AFF1: variants seen among roughly 807,000 people sequenced by gnomAD.
AFF1 encodes ALF transcription elongation factor 1.
AFF1 carries 48 observed loss-of-function variants against 121.7 expected under a neutral mutation model. The ratio of observed to expected loss-of-function variants is 0.39; its 90% CI spans 0.31 to 0.50. The LOEUF (loss-of-function observed/expected upper bound fraction) is 0.50. Ranked by LOEUF, AFF1 falls within the 20% of genes least tolerant of loss-of-function variation. The probability of loss-of-function intolerance (pLI) is 0.76; values close to 1 mark genes in which losing one functional copy is unlikely to be tolerated. For missense variants in AFF1, 1,523 were observed against 1,511.7 expected, an observed-to-expected ratio of 1.01 and a Z score of -0.12; for synonymous variants, 613 against 563.0, an observed-to-expected ratio of 1.09 and a Z score of -1.26.
intron 4 of AFF1, among the ~76,000 whole-genome samples, chr4:87,061,728 A>T (rs768733596): frequency 7.2e-5 from 11 of 152,172 alleles, no homozygotes; most frequent in Non-Finnish European, 1.3e-4. Context: ...TCTCTCCGTC[A>T]ATTCAAGCAT....
intron 2 of AFF1, among the ~76,000 whole-genome samples, chr4:86,982,199 A>G (rs1326624831): frequency 7.9e-5 from 12 of 152,180 alleles, no homozygotes; most frequent in African/African-American, 2.9e-4. Flanking sequence ...TGCCTCACAA[A>G]CACTTTGTAT....
Position 87,050,634 on chromosome 4 carries a change from A to G in AFF1, c.1059+3040A>G, listed in dbSNP as rs1731170451. Among the ~76,000 whole-genome samples the G allele has an allele frequency of 1.3e-5, 2 of 152,196 alleles. 1 individual carries two copies. The highest frequency in any genetic ancestry group is 4.1e-4 in the South Asian group (2 of 4,828). On this transcript the variant is annotated intron_variant, in intron 4 of 20. Coordinates refer to ENST00000395146, the MANE Select transcript of AFF1 (RefSeq NM_001166693.3). ...TCTTCCAAAGATCCTAAGGGAAAAA[A>G]TTATCAAAAGGTCGGTTTCCGACTA...
chr4:86,998,012 C>T (rs1165369254), intron 2 of AFF1, among the ~76,000 whole-genome samples: 4 of 143,318 alleles, frequency 2.8e-5, no homozygotes, highest in African/African-American at 7.8e-5. Flanking sequence ...GCAGGAGAAT[C>T]GCTTGAACCC....
intron 2 of AFF1, among the ~76,000 whole-genome samples, chr4:86,979,771 G>A (rs1723586883): frequency 1.3e-5 from 2 of 152,204 alleles, no homozygotes; most frequent in Non-Finnish European, 2.9e-5. Context: ...GTTGTAGGGG[G>A]AAGATACTGT....
chr4:87,072,391 C>A (rs1722176211), intron 4 of AFF1, among the ~76,000 whole-genome samples: 1 of 150,600 alleles, frequency 6.6e-6, no homozygotes, highest in Admixed American at 6.6e-5. Context: ...AATTTAAATT[C>A]AGAAGGCATT....
chr4:87,093,487 A>G (rs556734014), intron 7 of AFF1, among the ~76,000 whole-genome samples: 97 of 152,308 alleles, frequency 6.4e-4, no homozygotes, highest in African/African-American at 2.2e-3. Flanking sequence ...GTACTGGTAC[A>G]TAGGTTTTAG....
chr4:87,014,657 A>G (rs1214616826), intron 2 of AFF1, among the ~76,000 whole-genome samples: 1 of 152,246 alleles, frequency 6.6e-6, no homozygotes, highest in African/African-American at 2.4e-5. Context: ...AAACTATGTT[A>G]TACAGTGTAA....
chr4:87,082,963 C>T (rs17012394), intron 4 of AFF1, among the ~76,000 whole-genome samples: 1 of 152,044 alleles, frequency 6.6e-6, no homozygotes, highest in Non-Finnish European at 1.5e-5. Context: ...ATTAAATGGA[C>T]CAAAAAGAGC....
intron 2 of AFF1, among the ~76,000 whole-genome samples, chr4:86,979,137 G>A (rs1016482762): frequency 2.0e-5 from 3 of 151,982 alleles, no homozygotes; most frequent in Admixed American, 6.6e-5. Context: ...TTGCTCTGTC[G>A]CCCAGGCTGG....
chr4:87,122,881 T>TAAAAAAAAAA (rs3036188), intron 12 of AFF1, among the ~76,000 whole-genome samples: 10 of 96,636 alleles, frequency 1.0e-4, no homozygotes, highest in Non-Finnish European at 1.3e-4. Flanking sequence ...GGAAAATTAG[T>TAAAAAAAAAA]AAAAAAAAAA....
chr4:86,996,690 C>T (rs916763874), intron 2 of AFF1, among the ~76,000 whole-genome samples: 7 of 151,934 alleles, frequency 4.6e-5, no homozygotes, highest in African/African-American at 1.7e-4. Flanking sequence ...TGCCAAATCC[C>T]CCTCTGTGAG....
At chr4:86,971,435 C>G (rs1392605515) in intron 2 of AFF1, among the ~76,000 whole-genome samples, 1 of 152,180 alleles carries the variant, frequency 6.6e-6, no homozygotes, top group East Asian at 1.9e-4. Context: ...GTCACTTCTT[C>G]CATAACAAGG....
rs937101400 is a variant in AFF1 at position 87,044,410 on chromosome 4, C to T, written c.39-1756C>T. ...AGAGAGGTGCTAAATTTGCGAGGTT[C>T]GTTTCTGATGGAGTTCACATGCTAG... On this transcript the variant is annotated intron_variant, in intron 2 of 20. Transcript: ENST00000395146. Among the ~76,000 whole-genome samples the T allele has an allele frequency of 5.3e-5, 8 of 152,024 alleles. No homozygotes were observed. The South Asian group carries it at 1.5e-3, about 28-fold the overall frequency.
At chr4:86,999,705 T>A (rs989352033) in intron 2 of AFF1, among the ~76,000 whole-genome samples, 2 of 152,212 alleles carry the variant, frequency 1.3e-5, no homozygotes, top group Non-Finnish European at 2.9e-5. Context: ...TCCTGGATCC[T>A]GGATGTGTGA....
At chr4:87,010,726 C>T (rs1177628479) in intron 2 of AFF1, among the ~76,000 whole-genome samples, 3 of 152,186 alleles carry the variant, frequency 2.0e-5, no homozygotes, top group African/African-American at 7.2e-5. Context: ...CTCATTGAAG[C>T]AGATCCCTGA....
chr4:87,037,521 C>A (rs992580644), intron 2 of AFF1, among the ~76,000 whole-genome samples: 25 of 152,130 alleles, frequency 1.6e-4, no homozygotes, highest in Non-Finnish European at 2.2e-4. Flanking sequence ...CCATGTTCGC[C>A]AGGCTAGTCT....
At chr4:86,962,274 AAG>A (rs1722209835) in intron 2 of AFF1, among the ~76,000 whole-genome samples, 1 of 151,440 alleles carries the variant, frequency 6.6e-6, no homozygotes, top group Admixed American at 6.6e-5. Flanking sequence ...CAGCCTAATT[AAG>A]AGAGAGTTTG....
At chr4:87,084,942 A>G (rs944039433) in intron 5 of AFF1, among the ~76,000 whole-genome samples, 1 of 152,180 alleles carries the variant, frequency 6.6e-6, no homozygotes, top group Non-Finnish European at 1.5e-5. Flanking sequence ...GATACCTAAT[A>G]CCTATGGCCT....
At chr4:87,052,022 C>A (rs1354838824) in intron 4 of AFF1, among the ~76,000 whole-genome samples, 1 of 152,158 alleles carries the variant, frequency 6.6e-6, no homozygotes, top group Admixed American at 6.5e-5. Context: ...TCTGAGGAGG[C>A]ACCTTTCACA....
Sources: allele counts gnomAD v4.1 joint callset (sites outside exome capture counted in the v4.1 genomes callset), GRCh38; gene constraint gnomAD v4.1.1; transcripts MANE v1.5; gene names NCBI Gene and HGNC (gene_info 2026-07-23, HGNC 2026-07-21).